Variants in IL1RAPL2 observed in about 807,000 individuals in gnomAD.
IL1RAPL2 encodes X-linked interleukin-1 receptor accessory protein-like 2.
A neutral mutation model predicts 44.1 loss-of-function variants in IL1RAPL2; 3 were observed. The observed-to-expected ratio is 0.07, with a 90% confidence interval of 0.03 to 0.18. IL1RAPL2 has a LOEUF of 0.18. Among genes scored for constraint, IL1RAPL2 ranks in the 10% least tolerant of loss-of-function variants. IL1RAPL2 has a pLI of 1.00. For synonymous variants in IL1RAPL2, 181 were observed against 178.8 expected (o/e 1.01, Z -0.10); for missense variants, 391 against 496.4 (o/e 0.79, Z 2.02).
intron 6 of IL1RAPL2, among the ~76,000 whole-genome samples, chrX:105,576,702 G>A (rs186011524): frequency 1.8e-4 from 20 of 111,827 alleles, no homozygotes; most frequent in Non-Finnish European, 2.3e-4. Context: ...GGGCTAATAG[G>A]AAAAACTGCA....
intron 2 of IL1RAPL2, among the ~76,000 whole-genome samples, chrX:105,088,612 G>T (rs1284905267): frequency 2.7e-5 from 3 of 110,458 alleles, no homozygotes; most frequent in Non-Finnish European, 5.7e-5. Flanking sequence ...AATTGCTTTG[G>T]TTTTTTTCTA....
intron 2 of IL1RAPL2, among the ~76,000 whole-genome samples, chrX:104,874,279 CCTCTCTCTCTCT>C (rs59789265): frequency 3.3e-4 from 25 of 76,310 alleles, no homozygotes; most frequent in Admixed American, 7.5e-4. Flanking sequence ...TGTCTGTATT[CCTCTCTCTCTCT>C]CTCTCTCTCT....
At chrX:105,053,253 C>T (rs1269715314) in intron 2 of IL1RAPL2, among the ~76,000 whole-genome samples, 1 of 111,370 alleles carries the variant, frequency 9.0e-6, no homozygotes, top group Non-Finnish European at 1.9e-5. Flanking sequence ...TTATTCTTTT[C>T]CATTTTGCTT....
chrX:104,740,450 G>A (rs1932083768), intron 2 of IL1RAPL2, among the ~76,000 whole-genome samples: 2 of 110,809 alleles, frequency 1.8e-5, no homozygotes, highest in African/African-American at 6.5e-5. Context: ...TTTTTAATAT[G>A]CCCAGAAAAC....
chrX:105,483,557 G>A (rs939737799), intron 5 of IL1RAPL2, among the ~76,000 whole-genome samples: 4 of 109,959 alleles, frequency 3.6e-5, no homozygotes, highest in African/African-American at 9.9e-5. Context: ...CTTAAGTTTC[G>A]TATGGAGATC....
intron 2 of IL1RAPL2, among the ~76,000 whole-genome samples, chrX:105,031,791 A>G (rs1037727012): frequency 9.9e-5 from 11 of 111,437 alleles, no homozygotes; most frequent in Non-Finnish European, 2.1e-4. Context: ...CTCTTTTTCA[A>G]TTGATTGGAA....
intron 3 of IL1RAPL2, chrX:105,220,536 G>A (rs782725405): frequency 3.6e-5 from 20 of 560,453 alleles, no homozygotes; most frequent in Non-Finnish European, 3.7e-5. Context: ...TGACAAGACC[G>A]TCCTAATGAC....
intron 2 of IL1RAPL2, among the ~76,000 whole-genome samples, chrX:104,681,029 A>G (rs1930883145): frequency 8.9e-6 from 1 of 112,053 alleles, no homozygotes; most frequent in African/African-American, 3.2e-5. Context: ...ATTAGAGCAC[A>G]GCGAGTTCTG....
At chrX:104,840,096 T>C (rs778834828) in intron 2 of IL1RAPL2, among the ~76,000 whole-genome samples, 2 of 111,656 alleles carry the variant, frequency 1.8e-5, no homozygotes, top group Admixed American at 1.9e-4. Flanking sequence ...TATTTTTTGT[T>C]TTCTGCTAGC....
intron 2 of IL1RAPL2, among the ~76,000 whole-genome samples, chrX:104,850,216 T>TA (rs1028537134): frequency 1.2e-4 from 13 of 109,662 alleles, no homozygotes; most frequent in African/African-American, 2.6e-4. Context: ...ATTTTTTTTT[T>TA]AAAAAAACCT....
intron 2 of IL1RAPL2, among the ~76,000 whole-genome samples, chrX:104,744,309 C>CT (rs960571955): frequency 9.0e-6 from 1 of 111,145 alleles, no homozygotes; most frequent in South Asian, 3.7e-4. Flanking sequence ...TTTCTTTAGA[C>CT]TTTTTTTCAA....
At chrX:104,788,765 C>A (rs1472487942) in intron 2 of IL1RAPL2, among the ~76,000 whole-genome samples, 1 of 111,658 alleles carries the variant, frequency 9.0e-6, no homozygotes, top group Non-Finnish European at 1.9e-5. Context: ...AAGGCATGCA[C>A]ATGAACCAGT....
chrX:104,856,298 T>A (rs1922363295), intron 2 of IL1RAPL2, among the ~76,000 whole-genome samples: 1 of 112,194 alleles, frequency 8.9e-6, no homozygotes, highest in Admixed American at 9.5e-5. Context: ...TACCTTGTAT[T>A]CAAATATTTA....
chrX:104,729,447 CTTTTTTTTTTT>C (rs5903245), intron 2 of IL1RAPL2, among the ~76,000 whole-genome samples: 3 of 46,481 alleles, frequency 6.5e-5, no homozygotes, highest in Non-Finnish European at 8.0e-5. Context: ...GGCCTGCTGC[CTTTTTTTTTTT>C]TTTTTTTTTT....
intron 2 of IL1RAPL2, among the ~76,000 whole-genome samples, chrX:105,077,685 T>C (rs1317323156): frequency 1.8e-5 from 2 of 111,942 alleles, no homozygotes; most frequent in Non-Finnish European, 3.8e-5. Flanking sequence ...GTACACCAAT[T>C]AGACATAGAT....
At chrX:105,445,830 T>C (rs1012707316) in intron 5 of IL1RAPL2, among the ~76,000 whole-genome samples, 1 of 111,509 alleles carries the variant, frequency 9.0e-6, no homozygotes, top group Non-Finnish European at 1.9e-5. Context: ...TTCTTTGGTT[T>C]ATCCATGTGC....
chrX:105,305,362 G>T (rs6621959), intron 5 of IL1RAPL2, among the ~76,000 whole-genome samples: 1 of 110,890 alleles, frequency 9.0e-6, no homozygotes, highest in Non-Finnish European at 1.9e-5. Flanking sequence ...ACACACACAC[G>T]CACGGATCTA....
intron 2 of IL1RAPL2, among the ~76,000 whole-genome samples, chrX:105,110,195 G>A (rs898019302): frequency 2.0e-4 from 22 of 112,105 alleles, no homozygotes; most frequent in African/African-American, 6.8e-4. Context: ...CACAACTTCC[G>A]TTTACAAAGT....
At chrX:105,169,617 T>G (rs1258281000) in intron 2 of IL1RAPL2, among the ~76,000 whole-genome samples, 1 of 99,964 alleles carries the variant, frequency 1.0e-5, no homozygotes, top group East Asian at 3.5e-4. Context: ...CAACCTCCAC[T>G]TCCCAGGTTC....
Sources: allele counts gnomAD v4.1 joint callset (sites outside exome capture counted in the v4.1 genomes callset), GRCh38; gene constraint gnomAD v4.1.1; transcripts MANE v1.5; gene names NCBI Gene and HGNC (gene_info 2026-07-23, HGNC 2026-07-21).